The following SLC26A11 variants were observed in gnomAD, a reference collection of about 807,000 sequenced individuals.
SLC26A11 encodes sodium-independent sulfate anion transporter.
In SLC26A11, 58 loss-of-function variants were observed where a neutral mutation model predicts 62.2. The observed-to-expected ratio is 0.93, with a 90% CI of 0.76 to 1.16. The LOEUF (loss-of-function observed/expected upper bound fraction) is 1.16, where lower values mean the gene tolerates loss of function less well. Among genes scored for constraint, SLC26A11 ranks in the 50% most tolerant of loss-of-function variants. SLC26A11 has a pLI of 0.00. For missense variants in SLC26A11, 790 were observed against 794.3 expected (o/e 0.99, Z 0.06); for synonymous variants, 411 against 368.9 (o/e 1.11, Z -1.31).
chr17:80,232,641 T>C (rs1470930167), intron 7 of SLC26A11, among the ~76,000 whole-genome samples: 1 of 152,260 alleles, frequency 6.6e-6, no homozygotes, highest in East Asian at 1.9e-4. Flanking sequence ...TTTAATCTCA[T>C]AATCTCTGCC....
intron 6 of SLC26A11, among the ~76,000 whole-genome samples, chr17:80,226,450 C>G (rs937911228): frequency 1.3e-5 from 2 of 152,132 alleles, no homozygotes; most frequent in African/African-American, 2.4e-5. Context: ...CCTGTAATCC[C>G]AGCACTTTGG....
chr17:80,220,533 CA>C (rs1341521982), intron 1 of SLC26A11, 37 bp downstream of exon 1: 4 of 436,696 alleles, frequency 9.2e-6, no homozygotes, highest in Non-Finnish European at 1.6e-5. Flanking sequence ...GAGCGGGGAC[CA>C]GGGGCAGGGG....
rs150257881 is a variant in SLC26A11, at chr17:80,223,765, C to CT, written c.513+436dup. On this transcript the variant is annotated intron_variant, in intron 5 of 17. Transcript: ENST00000361193. This position sits in a 1 kb window ranked among gnomAD's most constrained non-coding sequence, Gnocchi z 4.6. ...TTTAGTTAGATGGTTTTGTTTTGTG[C>CT]TTTTTTTTCTGGTTTCTGTTTAATA... Among the ~76,000 whole-genome samples the CT allele has an allele frequency of 3.3e-5, 5 of 151,916 alleles. No individual in the cohort carries two copies. Among genetic ancestry groups the CT allele is most frequent in the Admixed American group, 6.6e-5 (1 of 15,240 alleles).
At position 80,229,194 on chromosome 17, in the gene SLC26A11, C is replaced by T. The variant is rs992591356; in HGVS notation, c.736+1234C>T. On this transcript the variant is annotated intron_variant, in intron 7 of 17. Coordinates refer to ENST00000361193, the MANE Select transcript of SLC26A11 (RefSeq NM_001166347.2). The stretch of plus-strand genomic sequence containing the variant: ...TTAGCTCTTGAGTCACTTCTGCCTG[C>T]CCAGGCTGGTCTGTTCTCTGTGGTC... Among the ~76,000 whole-genome samples the T allele has an allele frequency of 7.9e-5, 12 of 152,000 alleles. No individual in the cohort carries two copies. In the South Asian group the frequency reaches 1.2e-3, roughly 16 times the overall value.
intron 7 of SLC26A11, among the ~76,000 whole-genome samples, chr17:80,229,892 A>C (rs2042515778): frequency 6.6e-6 from 1 of 151,420 alleles, no homozygotes; most frequent in Admixed American, 6.6e-5. Flanking sequence ...CAGGGGATTC[A>C]TGGGGTCAGC....
chr17:80,225,806 G>C (rs755146098), intron 5 of SLC26A11, 31 bp from the exon 6 acceptor site: 1 of 1,603,010 alleles, frequency 6.2e-7, no homozygotes, highest in African/African-American at 1.3e-5. Flanking sequence ...TGGGAGCATA[G>C]CCTCTGATCA....
intron 10 of SLC26A11, among the ~76,000 whole-genome samples, chr17:80,242,625 A>T (rs1271723833): frequency 6.6e-6 from 1 of 152,234 alleles, no homozygotes; most frequent in Non-Finnish European, 1.5e-5. Context: ...GATGGGGGTC[A>T]TGCCCGCTTT....
rs879796316 is a variant in SLC26A11, at chr17:80,228,422, C to T, written c.736+462C>T. On this transcript the variant is annotated intron_variant, in intron 7 of 17. Transcript: ENST00000361193. The surrounding 1 kb of genome is among the most constrained non-coding windows in gnomAD (Gnocchi z 4.1). The stretch of plus-strand genomic sequence containing the variant: ...TGCTGGGATTACAGGCATGAGCCAC[C>T]GCCCCGACCCAAACTCTAGAACATT... Among the ~76,000 whole-genome samples the T allele has an allele frequency of 2.0e-5, 3 of 152,146 alleles. No individual in the cohort carries two copies. The highest frequency in any genetic ancestry group is 2.1e-4 in the South Asian group (1 of 4,830).
intron 10 of SLC26A11, among the ~76,000 whole-genome samples, chr17:80,244,930 G>A (rs1346555451): frequency 4.9e-5 from 7 of 143,536 alleles, no homozygotes; most frequent in African/African-American, 7.8e-5. Flanking sequence ...AGCTGAGATC[G>A]CGCCACTGCA....
rs1380720438 is a variant in SLC26A11, at chr17:80,221,033, G to C, written c.-96G>C. The C allele has an allele frequency of 6.5e-6, 1 of 153,092 alleles. No individual in the cohort carries two copies. The highest frequency in any genetic ancestry group is 1.5e-5 in the Non-Finnish European group (1 of 68,716). The allele number at this position is 153,092 out of a possible 1,614,324, so 9.5% of individuals were successfully genotyped here. On this transcript the variant is annotated 5_prime_UTR_variant, in exon 2 of 18. Transcript: ENST00000361193. ...GCGCCGCAGTCCACCGTAGCGGGTGGAGCCCGCCTTGGTGCGCAGTTGGAA... is the reference window on the plus strand; with the variant it reads ...GCGCCGCAGTCCACCGTAGCGGGTGCAGCCCGCCTTGGTGCGCAGTTGGAA...
chr17:80,232,947 A>C (rs1056576887), intron 7 of SLC26A11, among the ~76,000 whole-genome samples: 8 of 152,276 alleles, frequency 5.3e-5, no homozygotes, highest in Admixed American at 4.6e-4. Flanking sequence ...ACTTCATGTG[A>C]TATAAGAACC....
rs775386631 is a variant in SLC26A11 at position 80,222,858 on chromosome 17, A to G, written c.427+11A>G. 2.5e-6 allele frequency: 4 copies of G among 1,612,308 alleles called. No homozygotes were observed. The Admixed American group carries it at 5.0e-5, about 20-fold the overall frequency. On this transcript the variant is annotated intron_variant, in intron 4 of 17. Coordinates refer to ENST00000361193, the MANE Select transcript of SLC26A11 (RefSeq NM_001166347.2). The surrounding 1 kb of genome is among the most constrained non-coding windows in gnomAD (Gnocchi z 4.7). ...GGGTCCTGCGTTTGGGTGAGGCTCT[A>G]CCTTCTTGCCAAGGGGATGCCCTCG...
At position 80,220,445 on chromosome 17, in the gene SLC26A11, G is replaced by A; in HGVS notation, c.-265G>A. On this transcript the variant is annotated 5_prime_UTR_variant, in exon 1 of 18. Coordinates refer to ENST00000361193, the MANE Select transcript of SLC26A11 (RefSeq NM_001166347.2). Reference sequence around the variant, plus strand: ...CCCCGGCCTGTCCCCGGCGATTCCTGCGGACCCAGCTGCGGCGACGCCAGG... The same window carrying A: ...CCCCGGCCTGTCCCCGGCGATTCCTACGGACCCAGCTGCGGCGACGCCAGG... The A allele has an allele frequency of 1.1e-6, 1 of 869,822 alleles. No homozygotes were observed. Among genetic ancestry groups the A allele is most frequent in the South Asian group, 2.5e-5 (1 of 39,996 alleles). The allele number at this position is 869,822 out of a possible 1,614,324, so 53.9% of individuals were successfully genotyped here.
chr17:80,251,725 T>C (rs1280391512), intron 17 of SLC26A11, among the ~76,000 whole-genome samples: 10 of 149,492 alleles, frequency 6.7e-5, no homozygotes, highest in Non-Finnish European at 3.0e-5. Flanking sequence ...ATTGTGCCAC[T>C]GCACTCCAGC....
chr17:80,246,049 G>A lies in SLC26A11; in HGVS notation c.1098-105G>A, dbSNP rs564173577. The A allele has an allele frequency of 4.5e-4, 629 of 1,385,250 alleles. 2 individuals are homozygous for A. The highest frequency in any genetic ancestry group is 2.9e-3 in the African/African-American group (206 of 70,780). 85.8% of individuals were successfully genotyped at this position (1,385,250 alleles called of 1,614,324 possible). On this transcript the variant is annotated intron_variant, in intron 11 of 17. Coordinates refer to ENST00000361193, the MANE Select transcript of SLC26A11 (RefSeq NM_001166347.2). This position sits in a 1 kb window ranked among gnomAD's most constrained non-coding sequence, Gnocchi z 4.4. ...GCAGTCCCCGCCTGCTTCCCAAGCC[G>A]TGCTGGGAGCTGACGTCCCCTCGGA...
At chr17:80,248,751 C>A in intron 15 of SLC26A11, 77 bp downstream of exon 15, 1 of 1,388,202 alleles carries the variant, frequency 7.2e-7, no homozygotes, top group South Asian at 1.2e-5. Flanking sequence ...TTCAGGACCC[C>A]AAGACCCTGT....
chr17:80,222,973 A>C lies in SLC26A11; in HGVS notation c.427+126A>C. 3.7e-6 allele frequency: 2 copies of C among 544,224 alleles called. No homozygotes were observed. The highest frequency in any genetic ancestry group is 6.4e-6 in the Non-Finnish European group (2 of 314,824). 33.7% of individuals were successfully genotyped at this position (544,224 alleles called of 1,614,324 possible). ...TGTGGGTATGTATGTGTGTGTGTGT[A>C]GGTGGGTGGGTGGTGGAGGGGGTGG... On this transcript the variant is annotated intron_variant, in intron 4 of 17. Transcript: ENST00000361193. This position sits in a 1 kb window ranked among gnomAD's most constrained non-coding sequence, Gnocchi z 4.7.
intron 6 of SLC26A11, among the ~76,000 whole-genome samples, chr17:80,226,138 C>T (rs1054054398): frequency 2.2e-4 from 33 of 152,050 alleles, no homozygotes; most frequent in African/African-American, 6.5e-4. Context: ...CGGTGGTCTG[C>T]GCGCAGGGGA....
At chr17:80,238,820 G>GTTTTTTTTTTTTTTTTTTTTTTTTTT (rs1366044421) in intron 9 of SLC26A11, among the ~76,000 whole-genome samples, 1 of 87,366 alleles carries the variant, frequency 1.1e-5, no homozygotes, top group African/African-American at 4.3e-5. Flanking sequence ...AGTTTTTTTT[G>GTTTTTTTTTTTTTTTTTTTTTTTTTT]TTTTTTGTTT....
Sources: gnomAD v4.1 joint callset for allele counts (sites outside exome capture counted in the v4.1 genomes callset) on GRCh38, gnomAD v4.1.1 for gene constraint, Gnocchi (gnomAD v3.1) non-coding constraint, MANE v1.5 for transcripts, NCBI Gene and HGNC (gene_info 2026-07-23, HGNC 2026-07-21) for gene names.